Variants in ARHGAP10 observed in about 807,000 individuals in gnomAD.
ARHGAP10 encodes the protein rho GTPase-activating protein 10.
In ARHGAP10, 87 loss-of-function variants were observed where a neutral mutation model predicts 108.6. That is an observed-to-expected ratio of 0.80 (90% CI 0.67 to 0.96). ARHGAP10 has a LOEUF of 0.96. Ranked by LOEUF, ARHGAP10 falls within the 40% of genes least tolerant of loss-of-function variation. The pLI is 0.00. For synonymous variants in ARHGAP10, 347 were observed against 341.1 expected, an observed-to-expected ratio of 1.02 and a Z score of -0.19; for missense variants, 939 against 954.5, an observed-to-expected ratio of 0.98 and a Z score of 0.21.
At chr4:147,787,665 C>G (rs976376627) in intron 1 of ARHGAP10, among the ~76,000 whole-genome samples, 3 of 152,176 alleles carry the variant, frequency 2.0e-5, no homozygotes, top group Non-Finnish European at 1.5e-5. Flanking sequence ...CCACTGCCTT[C>G]GTGCTTCCCT....
chr4:147,876,468 C>A (rs556177352), intron 8 of ARHGAP10, among the ~76,000 whole-genome samples: 1 of 152,126 alleles, frequency 6.6e-6, no homozygotes, highest in East Asian at 1.9e-4. Context: ...TGGCGGGCAC[C>A]TGTAGTCCCA....
In ARHGAP10 at chr4:147,854,934, C is replaced by G. The variant is rs144322998; in HGVS notation, c.385-2619C>G. ...TTTTTCTTTCATTCCCAACTTTACC[C>G]ACATGTTGATTTTCATAGCCTTCTA... On this transcript the variant is annotated intron_variant, in intron 4 of 22. Coordinates refer to ENST00000336498, the MANE Select transcript of ARHGAP10 (RefSeq NM_024605.4). 3.2e-6 allele frequency: 3 copies of G among 935,232 alleles called. No homozygotes were observed. The East Asian group carries it at 3.5e-4, about 109-fold the overall frequency. 57.9% of individuals were successfully genotyped at this position (935,232 alleles called of 1,614,324 possible). A position where few individuals can be genotyped will look rare whatever the true frequency, so the allele number is the denominator to read the frequency against.
chr4:147,785,925 T>C (rs747196269), intron 1 of ARHGAP10, among the ~76,000 whole-genome samples: 2 of 152,192 alleles, frequency 1.3e-5, no homozygotes, highest in Non-Finnish European at 2.9e-5. Context: ...CAAATACATT[T>C]TTCAAGTCTC....
chr4:148,022,125 CAGTG>C (rs1578799186), intron 18 of ARHGAP10, among the ~76,000 whole-genome samples: 2 of 152,152 alleles, frequency 1.3e-5, no homozygotes, highest in Non-Finnish European at 2.9e-5. Flanking sequence ...AAATATAAAA[CAGTG>C]AGACATTCTC....
At chr4:147,871,936 A>G (rs1329963170) in intron 7 of ARHGAP10, among the ~76,000 whole-genome samples, 1 of 152,044 alleles carries the variant, frequency 6.6e-6, no homozygotes, top group Non-Finnish European at 1.5e-5. Context: ...CCCTGTCTCC[A>G]CAAAAAATAG....
chr4:147,804,755 T>A (rs190973611), intron 1 of ARHGAP10, among the ~76,000 whole-genome samples: 1 of 152,182 alleles, frequency 6.6e-6, no homozygotes, highest in Non-Finnish European at 1.5e-5. Flanking sequence ...AGCTTTTTTT[T>A]ATATGATTGT....
intron 20 of ARHGAP10, among the ~76,000 whole-genome samples, chr4:148,062,293 T>C (rs1244096583): frequency 6.6e-6 from 1 of 151,996 alleles, no homozygotes; most frequent in Non-Finnish European, 1.5e-5. Flanking sequence ...TGCTGAGGAG[T>C]GCAGAAGCCT....
chr4:147,882,695 C>CT (rs1203698234), intron 10 of ARHGAP10, among the ~76,000 whole-genome samples: 15 of 151,950 alleles, frequency 9.9e-5, no homozygotes, highest in South Asian at 2.1e-4. Flanking sequence ...AAGGTGAATT[C>CT]TTTTTTTTCC....
intron 1 of ARHGAP10, among the ~76,000 whole-genome samples, chr4:147,749,601 T>C (rs1030169418): frequency 6.6e-6 from 1 of 152,246 alleles, no homozygotes; most frequent in Non-Finnish European, 1.5e-5. Context: ...AAATTTGAAA[T>C]CAATTGAGAA....
chr4:148,009,931 T>C (rs911173794), intron 18 of ARHGAP10, among the ~76,000 whole-genome samples: 16 of 152,236 alleles, frequency 1.1e-4, no homozygotes, highest in African/African-American at 3.9e-4. Context: ...CAGTTTCTGG[T>C]ATCTGAATAA....
chr4:147,925,478 T>C (rs1737428932), intron 13 of ARHGAP10, among the ~76,000 whole-genome samples: 1 of 152,206 alleles, frequency 6.6e-6, no homozygotes, highest in Admixed American at 6.5e-5. Flanking sequence ...CTGAGCTACA[T>C]GAGTGATGAG....
In ARHGAP10 at chr4:147,879,224, T is replaced by C. The variant is rs771698914; in HGVS notation, c.833-8T>C. The C allele has an allele frequency of 1.1e-5, 18 of 1,606,702 alleles. No homozygotes were observed. The highest frequency in any genetic ancestry group is 3.5e-5 in the Admixed American group (2 of 57,244). On this transcript the variant is annotated splice_polypyrimidine_tract_variant and splice_region_variant and intron_variant, in intron 8 of 22. Coordinates refer to ENST00000336498, the MANE Select transcript of ARHGAP10 (RefSeq NM_024605.4). ...GGGAAAATATAAAGGGCTGTTTTTT[T>C]GTTGAAGGGCCTGCTCCGTTTGGTT...
intron 13 of ARHGAP10, among the ~76,000 whole-genome samples, chr4:147,926,247 G>A (rs978274080): frequency 2.0e-5 from 3 of 152,138 alleles, no homozygotes; most frequent in Non-Finnish European, 4.4e-5. Flanking sequence ...GAATAGAATT[G>A]GTGGGAATAG....
At chr4:147,861,201 C>T (rs899256542) in intron 5 of ARHGAP10, 1 of 152,438 alleles carries the variant, frequency 6.6e-6, no homozygotes, top group Non-Finnish European at 1.5e-5. Flanking sequence ...CACAGCCGGG[C>T]ATGCCGACTG....
chr4:148,069,100 G>A (rs1373876460), intron 22 of ARHGAP10, among the ~76,000 whole-genome samples: 3 of 152,174 alleles, frequency 2.0e-5, no homozygotes, highest in African/African-American at 7.2e-5. Context: ...GGGAGGAGTG[G>A]TGTGATAAAC....
chr4:147,960,766 A>G (rs1483668581), intron 16 of ARHGAP10, among the ~76,000 whole-genome samples: 2 of 152,208 alleles, frequency 1.3e-5, no homozygotes, highest in Non-Finnish European at 2.9e-5. Flanking sequence ...ATGAAGTGTG[A>G]TCACTCTCCT....
At chr4:147,926,859 A>G (rs953493935) in intron 13 of ARHGAP10, among the ~76,000 whole-genome samples, 1 of 152,134 alleles carries the variant, frequency 6.6e-6, no homozygotes, top group East Asian at 1.9e-4. Context: ...ACAAGAAACA[A>G]CCATTGGGTT....
intron 1 of ARHGAP10, among the ~76,000 whole-genome samples, chr4:147,781,069 A>G (rs190684412): frequency 4.6e-5 from 7 of 152,274 alleles, no homozygotes; most frequent in Middle Eastern, 3.4e-3. Context: ...ACCTAGGACT[A>G]CTGGCGGGGC....
At chr4:147,879,124 TG>T (rs1467750876) in intron 8 of ARHGAP10, 107 bp from the exon 9 acceptor site, 4 of 785,546 alleles carry the variant, frequency 5.1e-6, no homozygotes, top group South Asian at 2.0e-5. Flanking sequence ...TTGATTCAGC[TG>T]TATTCGTTGC....
Sources: gnomAD v4.1 joint callset for allele counts (sites outside exome capture counted in the v4.1 genomes callset) on GRCh38, gnomAD v4.1.1 for gene constraint, MANE v1.5 for transcripts, NCBI Gene and HGNC (gene_info 2026-07-23, HGNC 2026-07-21) for gene names.